FHIP2A: variants seen among roughly 807,000 people sequenced by gnomAD.
FHIP2A encodes the protein family with sequence similarity 160 member B1.
FHIP2A carries 46 observed loss-of-function variants against 93.5 expected under a neutral mutation model. The observed-to-expected ratio is 0.49, with a 90% confidence interval of 0.39 to 0.63. FHIP2A has a LOEUF of 0.63. Ranked by LOEUF, FHIP2A falls within the 20% of genes least tolerant of loss-of-function variation. The pLI is 0.00. For synonymous variants in FHIP2A, 332 were observed against 326.5 expected (o/e 1.02, Z -0.18); for missense variants, 769 against 909.7 (o/e 0.85, Z 1.99).
In FHIP2A at chr10:114,864,152, C is replaced by A. The variant is rs1223488370; in HGVS notation, c.*2612C>A. The A allele has an allele frequency of 1.0e-6, 1 of 978,694 alleles. No individual in the cohort carries two copies. Among genetic ancestry groups the A allele is most frequent in the Non-Finnish European group, 1.2e-6 (1 of 823,622 alleles). The allele number at this position is 978,694 out of a possible 1,614,324, so 60.6% of individuals were successfully genotyped here. On this transcript the variant is annotated 3_prime_UTR_variant, in exon 17 of 17. Transcript: ENST00000369248. The stretch of plus-strand genomic sequence containing the variant: ...TATATAAGGACCAAAATTCTTAGCT[C>A]GCTTACACTGTTGCTAGTGTAAACA...
chr10:114,835,573 T>C lies in FHIP2A; in HGVS notation c.331T>C (p.Tyr111His), dbSNP rs1486270684. 6.2e-7 allele frequency: 1 copy of C among 1,613,450 alleles called. No individual in the cohort carries two copies. The highest frequency in any genetic ancestry group is 8.5e-7 in the Non-Finnish European group (1 of 1,179,574). Residue 111 changes from tyrosine (Y) to histidine (H), a missense_variant, in exon 4 of 17, where the codon TAT (tyrosine) becomes CAT (histidine). Tyr to His is a moderately conservative substitution (Grantham distance 83). Transcript: ENST00000369248. ...PGMKQQVLVF[Y>H]TKLLGRIRQP... is the part of the protein sequence containing the mutation. ...AATGAAACAGCAGGTTTTGGTTTTC[T>C]ATACGAAACTTCTGGGAAGAATCCG...
At chr10:114,833,905 C>G (rs1299868169) in intron 3 of FHIP2A, among the ~76,000 whole-genome samples, 1 of 152,090 alleles carries the variant, frequency 6.6e-6, no homozygotes, top group East Asian at 1.9e-4. Context: ...CTTATAGAGA[C>G]AAGTTTTCCA....
intron 16 of FHIP2A, among the ~76,000 whole-genome samples, chr10:114,878,951 A>G (rs1056944242): frequency 6.6e-6 from 1 of 152,216 alleles, no homozygotes; most frequent in African/African-American, 2.4e-5. Flanking sequence ...CTAAGAATCC[A>G]AATGAGGAAA....
intron 1 of FHIP2A, among the ~76,000 whole-genome samples, chr10:114,828,678 CTT>C: frequency 6.6e-6 from 1 of 152,174 alleles, no homozygotes; most frequent in East Asian, 1.9e-4. Context: ...CAAGTTAATA[CTT>C]TGATTCTTAA....
At chr10:114,836,668 A>C (rs1232559277) in intron 5 of FHIP2A, among the ~76,000 whole-genome samples, 1 of 152,218 alleles carries the variant, frequency 6.6e-6, no homozygotes, top group Admixed American at 6.5e-5. Flanking sequence ...CTCCATCCTC[A>C]TAGCAGTTGG....
chr10:114,838,137 G>A (rs74158076), intron 5 of FHIP2A, among the ~76,000 whole-genome samples: 5,951 of 152,266 alleles, frequency 0.039, 334 homozygotes, highest in African/African-American at 0.12. Context: ...AACAGTGTAC[G>A]TGAGCTCCTG....
chr10:114,831,946 A>T (rs909368674), intron 2 of FHIP2A, among the ~76,000 whole-genome samples: 1 of 152,230 alleles, frequency 6.6e-6, no homozygotes, highest in African/African-American at 2.4e-5. Context: ...TGTTTTCTCC[A>T]TAAGGCTTAG....
At chr10:114,830,995 T>A in intron 2 of FHIP2A, 65 bp downstream of exon 2, 1 of 894,902 alleles carries the variant, frequency 1.1e-6, no homozygotes, top group Non-Finnish European at 1.7e-6. Flanking sequence ...TGTGAAATAC[T>A]AAAATATTTT....
At chr10:114,827,978 A>G (rs1464063613) in intron 1 of FHIP2A, among the ~76,000 whole-genome samples, 1 of 149,604 alleles carries the variant, frequency 6.7e-6, no homozygotes, top group African/African-American at 2.5e-5. Context: ...AAAAAATTAA[A>G]TTGGAATCTC....
intron 1 of FHIP2A, among the ~76,000 whole-genome samples, chr10:114,823,675 T>TG (rs1335463614): frequency 1.3e-5 from 2 of 151,318 alleles, no homozygotes; most frequent in Non-Finnish European, 2.9e-5. Context: ...TTTTTTTTTT[T>TG]TTTAGTAGAG....
chr10:114,837,385 C>T (rs2083642212), intron 5 of FHIP2A, among the ~76,000 whole-genome samples: 1 of 152,066 alleles, frequency 6.6e-6, no homozygotes, highest in Non-Finnish European at 1.5e-5. Context: ...TGTGGTAGTG[C>T]ACGCCTGGAA....
chr10:114,876,259 G>A (rs796498963), intron 16 of FHIP2A, among the ~76,000 whole-genome samples: 38 of 152,274 alleles, frequency 2.5e-4, no homozygotes, highest in African/African-American at 8.4e-4. Context: ...GGAGCGCTGT[G>A]GACCAGGCAT....
intron 16 of FHIP2A, among the ~76,000 whole-genome samples, chr10:114,880,571 T>C (rs2143015094): frequency 6.6e-6 from 1 of 152,024 alleles, no homozygotes; most frequent in Admixed American, 6.5e-5. Context: ...TCCCAGCTAC[T>C]CTGGTGGCTG....
Position 114,843,240 on chromosome 10 carries a change from C to A in FHIP2A, c.816+14C>A. 6.5e-7 allele frequency: 1 copy of A among 1,539,728 alleles called. No homozygotes were observed. The highest frequency in any genetic ancestry group is 8.9e-7 in the Non-Finnish European group (1 of 1,129,500). On this transcript the variant is annotated intron_variant, in intron 6 of 16. Transcript: ENST00000369248. ...ACTAGAAGTCCTGTGAGTTATGGTC[C>A]TTACTTTTTCCCCCCTAACATTATT...
chr10:114,829,406 C>G (rs556146721), intron 1 of FHIP2A, among the ~76,000 whole-genome samples: 3 of 151,398 alleles, frequency 2.0e-5, no homozygotes, highest in African/African-American at 7.4e-5. Flanking sequence ...AGGATGGCAT[C>G]TTTCAGACAT....
At chr10:114,828,005 CTTT>C (rs72339114) in intron 1 of FHIP2A, among the ~76,000 whole-genome samples, 13 of 148,342 alleles carry the variant, frequency 8.8e-5, no homozygotes, top group Non-Finnish European at 1.5e-4. Context: ...CTGATTCACA[CTTT>C]TTTTTTTTTA....
At position 114,860,815 on chromosome 10, in the gene FHIP2A, A is replaced by G. The variant is rs2083793716; in HGVS notation, c.2014A>G (p.Ile672Val). ...SRLSLFPHPH[I>V]HEYLLDPYVN... Reference sequence around the variant, plus strand: ...ACTTTCTCTCTTCCCTCATCCACACATCCACGAGTACCTTTTGGATCCTTA... The same window carrying G: ...ACTTTCTCTCTTCCCTCATCCACACGTCCACGAGTACCTTTTGGATCCTTA... Residue 672 changes from isoleucine to valine, a missense_variant, in exon 15 of 17, where the codon ATC (isoleucine) becomes GTC (valine). Physicochemically the swap from Ile to Val is conservative, Grantham distance 29. Transcript: ENST00000369248. The G allele has an allele frequency of 6.2e-7, 1 of 1,609,766 alleles. No homozygotes were observed. Among genetic ancestry groups the G allele is most frequent in the Admixed American group, 1.7e-5 (1 of 59,990 alleles).
chr10:114,827,347 T>C (rs2083582628), intron 1 of FHIP2A, among the ~76,000 whole-genome samples: 1 of 152,248 alleles, frequency 6.6e-6, no homozygotes, highest in Admixed American at 6.5e-5. Flanking sequence ...TACTTAACTC[T>C]GTGTCATGCC....
rs2083819356 is a variant in FHIP2A at position 114,864,569 on chromosome 10, G to A, written c.*3029G>A. 1.0e-6 allele frequency: 1 copy of A among 985,644 alleles called. No homozygotes were observed. The highest frequency in any genetic ancestry group is 4.7e-5 in the South Asian group (1 of 21,280). The allele number at this position is 985,644 out of a possible 1,614,324, so 61.1% of individuals were successfully genotyped here. On this transcript the variant is annotated 3_prime_UTR_variant, in exon 17 of 17. Transcript: ENST00000369248. ...GTGTTACCAGCGTCTGGAATTCTTG[G>A]TCCCTCCGTGGAGAAACTCTTCAGA...
Sources: allele counts gnomAD v4.1 joint callset (sites outside exome capture counted in the v4.1 genomes callset), GRCh38; gene constraint gnomAD v4.1.1; transcripts MANE v1.5; gene names NCBI Gene and HGNC (gene_info 2026-07-23, HGNC 2026-07-21).